Variants in SYNE2 observed in about 807,000 individuals in gnomAD.
SYNE2 encodes the protein spectrin repeat containing nuclear envelope protein 2.
A neutral mutation model predicts 856.3 loss-of-function variants in SYNE2; 431 were observed. The observed-to-expected ratio is 0.50, with a 90% CI of 0.47 to 0.55. The LOEUF (loss-of-function observed/expected upper bound fraction) is 0.55, where lower values mean the gene tolerates loss of function less well. Ranked by LOEUF, SYNE2 falls within the 20% of genes least tolerant of loss-of-function variation. The probability of loss-of-function intolerance (pLI) is 0.00; values close to 1 mark genes in which losing one functional copy is unlikely to be tolerated. For missense variants in SYNE2, 8,129 were observed against 8,023.2 expected, an observed-to-expected ratio of 1.01 and a Z score of -0.50; for synonymous variants, 2,923 against 2,872.3, an observed-to-expected ratio of 1.02 and a Z score of -0.56.
chr14:63,810,988 C>CCA (rs1888593293), intron 1 of SYNE2, among the ~76,000 whole-genome samples: 3 of 152,062 alleles, frequency 2.0e-5, no homozygotes, highest in South Asian at 2.1e-4. Context: ...GTGCCCGCCA[C>CCA]CACCTCCAGC....
intron 96 of SYNE2, among the ~76,000 whole-genome samples, chr14:64,182,820 A>G (rs1359049264): frequency 6.6e-6 from 1 of 152,212 alleles, no homozygotes; most frequent in African/African-American, 2.4e-5. Context: ...TGATTTCTCT[A>G]TCTTTTCCCC....
At position 63,774,852 on chromosome 14, in the gene SYNE2, T is replaced by C. The variant is rs573349579; in HGVS notation, c.-305+12866T>C. Among the ~76,000 whole-genome samples, 29 of 152,308 alleles carry C rather than the reference T, an allele frequency of 1.9e-4. 2 individuals are homozygous for C. In the South Asian group the frequency reaches 2.5e-3, roughly 13 times the overall value. On this transcript the variant is annotated intron_variant, in intron 1 of 23. Transcript: ENST00000674003. ...CCATTTAATGAAATGCAAGGCAGCA[T>C]GTTAGGCACTGACAGAATTACAGCA...
chr14:64,053,664 T>G lies in SYNE2; in HGVS notation c.9744+7T>G, dbSNP rs2097244764. ...AAGCATTGATTTGCGCACAGTAAGTTTTAAAAATTATGCAGTTAGTGGCTG... is the reference window on the plus strand; with the variant it reads ...AAGCATTGATTTGCGCACAGTAAGTGTTAAAAATTATGCAGTTAGTGGCTG... On this transcript the variant is annotated splice_region_variant and intron_variant, in intron 48 of 115. Coordinates refer to ENST00000555002, the MANE Select transcript of SYNE2 (RefSeq NM_182914.3). 2 of 1,611,852 alleles carry G rather than the reference T, an allele frequency of 1.2e-6. No individual in the cohort carries two copies. The highest frequency in any genetic ancestry group is 1.3e-5 in the African/African-American group (1 of 74,970).
chr14:63,830,264 G>GTT (rs79592787), intron 1 of SYNE2, among the ~76,000 whole-genome samples: 6 of 141,042 alleles, frequency 4.3e-5, no homozygotes, highest in Admixed American at 7.2e-5. Flanking sequence ...ACAGTGTGAG[G>GTT]TTTTTTTTTT....
At chr14:64,215,458 A>G (rs2140271629) in intron 107 of SYNE2, 104 bp downstream of exon 107, 4 of 1,117,032 alleles carry the variant, frequency 3.6e-6, no homozygotes, top group East Asian at 2.3e-5. Context: ...TTCTGTGGAC[A>G]CCATGCGCCT....
chr14:63,969,770 A>G (rs1253646050), intron 11 of SYNE2, among the ~76,000 whole-genome samples: 1 of 152,080 alleles, frequency 6.6e-6, no homozygotes, highest in Non-Finnish European at 1.5e-5. Flanking sequence ...GGTGGTTGAT[A>G]ATTTTCACAT....
rs777196941 is a variant in SYNE2 at position 64,048,203 on chromosome 14, G to A, written c.7377+48G>A. ...ACAACATGATTGCATCATTTATCCA[G>A]TGCAATACAATATATTTTAATTGCC... On this transcript the variant is annotated intron_variant, in intron 46 of 115. Coordinates refer to ENST00000555002, the MANE Select transcript of SYNE2 (RefSeq NM_182914.3). 30 of 1,585,134 alleles carry A rather than the reference G, an allele frequency of 1.9e-5. No individual in the cohort carries two copies. In the South Asian group the frequency reaches 3.4e-4, roughly 18 times the overall value.
intron 1 of SYNE2, among the ~76,000 whole-genome samples, chr14:63,766,304 CCCTGA>C (rs756233288): frequency 3.3e-5 from 5 of 151,858 alleles, no homozygotes; most frequent in Non-Finnish European, 7.4e-5. Flanking sequence ...GGTCTTGAAC[CCCTGA>C]CCTCAAGTGA....
chr14:64,013,373 A>C (rs1214677181), intron 32 of SYNE2, among the ~76,000 whole-genome samples: 1 of 132,034 alleles, frequency 7.6e-6, no homozygotes, highest in Non-Finnish European at 1.6e-5. Flanking sequence ...CAAATTTCTT[A>C]TATGCGTATA....
In SYNE2 at chr14:64,168,846, G is replaced by A. The variant is rs759123896; in HGVS notation, c.16906-31G>A. 2.8e-6 allele frequency: 4 copies of A among 1,420,254 alleles called. No homozygotes were observed. The Admixed American group carries it at 5.0e-5, about 18-fold the overall frequency. 88.0% of individuals were successfully genotyped at this position (1,420,254 alleles called of 1,614,324 possible). On this transcript the variant is annotated intron_variant, in intron 92 of 115. Coordinates refer to ENST00000555002, the MANE Select transcript of SYNE2 (RefSeq NM_182914.3). ...GAGATTCATAAAATGAATTTTACTA[G>A]CTGATATTTTCTGCTTGGACTCATA...
intron 82 of SYNE2, among the ~76,000 whole-genome samples, chr14:64,142,947 G>A (rs1459250403): frequency 6.6e-6 from 1 of 152,238 alleles, no homozygotes; most frequent in African/African-American, 2.4e-5. Context: ...GACAAGTGTG[G>A]TCATTGCTTT....
chr14:64,122,182 G>A (rs755952404), intron 69 of SYNE2, 49 bp downstream of exon 69: 2 of 1,614,046 alleles, frequency 1.2e-6, no homozygotes, highest in East Asian at 2.2e-5. Context: ...TTATGACTGG[G>A]AGAATTAAGA....
Position 64,167,533 on chromosome 14 carries a change from A to T in SYNE2, c.16799A>T (p.Tyr5600Phe). ...QGIGLNEKFL[Y>F]CCEKWIQLLE... ...ATTGGATTGAATGAAAAGTTTCTTT[A>T]TTGCTGTGAAAAGTGGATCCAACTT... is the stretch of plus-strand genomic sequence containing the variant. The change falls in exon 92 of 116, where the codon TAT (tyrosine) becomes TTT (phenylalanine). Residue 5600 changes from tyrosine (Y) to phenylalanine (F), a missense_variant. By Grantham distance (22) the Tyr-to-Phe change is conservative. This residue lies in a region of SYNE2 where 5,410 missense variants were observed against 5,284.8 expected (regional missense o/e 1.02). Coordinates refer to ENST00000555002, the MANE Select transcript of SYNE2 (RefSeq NM_182914.3). The T allele has an allele frequency of 6.2e-7, 1 of 1,614,224 alleles. No homozygotes were observed. The highest frequency in any genetic ancestry group is 8.5e-7 in the Non-Finnish European group (1 of 1,180,022).
chr14:64,033,515 CA>C (rs34976939), intron 45 of SYNE2, among the ~76,000 whole-genome samples: 111,964 of 141,106 alleles, frequency 0.79, 44,641 homozygotes, highest in Non-Finnish European at 0.88. Flanking sequence ...CCAGTCTCTA[CA>C]AAAAAAAAAA....
At chr14:63,985,329 CA>C (rs11399582) in intron 18 of SYNE2, among the ~76,000 whole-genome samples, 94 of 82,416 alleles carry the variant, frequency 1.1e-3, no homozygotes, top group Middle Eastern at 0.013. Context: ...GGCTCCATCT[CA>C]AAAAAAAAAA....
intron 46 of SYNE2, chr14:64,048,869 A>G (rs941502073): frequency 5.3e-5 from 8 of 150,734 alleles, no homozygotes; most frequent in South Asian, 2.1e-4. Flanking sequence ...AGATTGTGGC[A>G]CTGCATTCCA....
intron 45 of SYNE2, among the ~76,000 whole-genome samples, chr14:64,041,184 T>C (rs896226282): frequency 6.6e-6 from 1 of 152,112 alleles, no homozygotes; most frequent in African/African-American, 2.4e-5. Flanking sequence ...AACAAAAATA[T>C]ATTAAAGAAA....
At chr14:63,912,456 A>G (rs2095484687) in intron 2 of SYNE2, among the ~76,000 whole-genome samples, 2 of 152,220 alleles carry the variant, frequency 1.3e-5, no homozygotes, top group South Asian at 4.1e-4. Context: ...GCAGACTCGT[A>G]TTTCACAGAA....
intron 113 of SYNE2, 92 bp from the exon 114 acceptor site, chr14:64,224,369 A>G (rs73265803): frequency 8.7e-7 from 1 of 1,149,384 alleles, no homozygotes; most frequent in African/African-American, 1.5e-5. Flanking sequence ...AAACAAAAAA[A>G]GATTGATTTA....
Sources: allele counts gnomAD v4.1 joint callset (sites outside exome capture counted in the v4.1 genomes callset), GRCh38; gene constraint gnomAD v4.1.1; regional missense constraint gnomAD v4.1.1; transcripts MANE v1.5; gene names NCBI Gene and HGNC (gene_info 2026-07-23, HGNC 2026-07-21).